CALM3: variants seen among roughly 807,000 people sequenced by gnomAD.
CALM3 encodes the protein calmodulin 3, also known as calmodulin-3.
In CALM3, 5 loss-of-function variants were observed where a neutral mutation model predicts 20.1. That is an observed-to-expected ratio of 0.25 (90% CI 0.13 to 0.52). CALM3 has a LOEUF of 0.52. Ranked by LOEUF, CALM3 falls within the 20% of genes least tolerant of loss-of-function variation. CALM3 has a pLI of 0.96. For missense variants in CALM3, 57 were observed against 192.8 expected (o/e 0.30, Z 4.17); for synonymous variants, 69 against 68.1 (o/e 1.01, Z -0.06).
At chr19:46,603,803 C>G (rs1337621609) in intron 1 of CALM3, among the ~76,000 whole-genome samples, 1 of 152,210 alleles carries the variant, frequency 6.6e-6, no homozygotes, top group Non-Finnish European at 1.5e-5. Flanking sequence ...ACAGGCCCTC[C>G]ATGCAGAGCC....
chr19:46,606,473 A>C (rs1933849610), intron 2 of CALM3: 1 of 152,198 alleles, frequency 6.6e-6, no homozygotes, highest in African/African-American at 2.4e-5. Context: ...TATTTTCTTC[A>C]TAACCTTTCT....
chr19:46,601,298 AGGC>A (rs948097451), upstream of CALM3: 851 of 718,238 alleles, frequency 1.2e-3, no homozygotes, highest in Middle Eastern at 3.7e-3. The surrounding 1 kb of genome is among the most constrained non-coding windows in gnomAD (Gnocchi z 4.2). Context: ...TTGGGGCGGG[AGGC>A]GGCGGCGGCG....
chr19:46,608,983 T>C lies in CALM3; in HGVS notation c.421+2T>C. The C allele has an allele frequency of 6.2e-7, 1 of 1,601,598 alleles. No individual in the cohort carries two copies. The highest frequency in any genetic ancestry group is 8.5e-7 in the Non-Finnish European group (1 of 1,173,272). ...GAGATGGCCAGGTCAATTATGAAGG[T>C]GAGTCAAGGCCAGGCTTGATCTCTG... On this transcript the variant is annotated splice_donor_variant, in intron 5 of 5. Coordinates refer to ENST00000291295, the MANE Select transcript of CALM3 (RefSeq NM_005184.4). LOFTEE classifies it high-confidence loss of function. The surrounding 1 kb of genome is among the most constrained non-coding windows in gnomAD (Gnocchi z 5.5).
chr19:46,604,716 G>A (rs371624896), intron 1 of CALM3, among the ~76,000 whole-genome samples: 6 of 152,052 alleles, frequency 3.9e-5, no homozygotes, highest in Non-Finnish European at 5.9e-5. Context: ...TCTCAGACTC[G>A]AGACTAGAAC....
At chr19:46,607,736 A>C (rs1229481212) in intron 2 of CALM3, among the ~76,000 whole-genome samples, 1 of 152,204 alleles carries the variant, frequency 6.6e-6, no homozygotes, top group Non-Finnish European at 1.5e-5. Context: ...TTTCCTCTTC[A>C]GGCCGGCCAG....
intron 2 of CALM3, among the ~76,000 whole-genome samples, chr19:46,607,637 A>G (rs1971771017): frequency 6.6e-6 from 1 of 151,996 alleles, no homozygotes; most frequent in Non-Finnish European, 1.5e-5. Flanking sequence ...CCCCACGCTC[A>G]CCACACGCAG....
chr19:46,607,811 G>T (rs1234140244), intron 2 of CALM3, among the ~76,000 whole-genome samples: 1 of 152,150 alleles, frequency 6.6e-6, no homozygotes, highest in Admixed American at 6.5e-5. Flanking sequence ...CTCAGACAAA[G>T]AATCCTTTCG....
intron 2 of CALM3, chr19:46,606,397 C>CG (rs1568664901): frequency 6.5e-6 from 1 of 152,994 alleles, no homozygotes; most frequent in Non-Finnish European, 1.5e-5. Context: ...GATGTCCCCT[C>CG]GGGGAGGCCT....
intron 2 of CALM3, among the ~76,000 whole-genome samples, chr19:46,607,354 C>T (rs1010987218): frequency 1.4e-4 from 21 of 152,290 alleles, no homozygotes; most frequent in African/African-American, 3.9e-4. Flanking sequence ...AACTGTCCAC[C>T]GCCTCACCCC....
At position 46,609,447 on chromosome 19, in the gene CALM3, G is replaced by C; in HGVS notation, c.*294G>C. The C allele has an allele frequency of 2.0e-6, 1 of 497,712 alleles. No homozygotes were observed. 30.8% of individuals were successfully genotyped at this position (497,712 alleles called of 1,614,324 possible). ...GAAGCCCTCCCCAGATCCCCTTGGG[G>C]AGCCTCTGCCCTCCTCCAGCCCGGA... On this transcript the variant is annotated 3_prime_UTR_variant, in exon 6 of 6. Coordinates refer to ENST00000291295, the MANE Select transcript of CALM3 (RefSeq NM_005184.4).
intron 1 of CALM3, chr19:46,602,245 G>A (rs773560361): frequency 1.1e-4 from 143 of 1,335,614 alleles, no homozygotes; most frequent in Non-Finnish European, 1.4e-4. Context: ...CGGGGGACAG[G>A]GACCCTTGGG....
chr19:46,604,915 A>G (rs1971710059), intron 1 of CALM3, among the ~76,000 whole-genome samples: 1 of 150,856 alleles, frequency 6.6e-6, no homozygotes, highest in Non-Finnish European at 1.5e-5. Context: ...GCCCCATAGG[A>G]TCACTATGCC....
rs758692040 is a variant in CALM3, at chr19:46,608,923, G to A, written c.363G>A (p.Glu121=). 1.9e-6 allele frequency: 3 copies of A among 1,609,932 alleles called. No individual in the cohort carries two copies. The East Asian group carries it at 6.7e-5, about 36-fold the overall frequency. ...TGGGGGAGAAGCTGACCGATGAGGA[G>A]GTGGATGAGATGATCAGGGAGGCTG... ...TNLGEKLTDE[E]VDEMIREADI... The change falls in exon 5 of 6, where the codon GAG becomes GAA. Residue 121 remains glutamate (E), a synonymous_variant. Coordinates refer to ENST00000291295, the MANE Select transcript of CALM3 (RefSeq NM_005184.4). This position sits in a 1 kb window ranked among gnomAD's most constrained non-coding sequence, Gnocchi z 5.5.
chr19:46,601,375 A>AGCT lies in CALM3; in HGVS notation c.-54_-52dup, dbSNP rs1036423322. The AGCT allele has an allele frequency of 6.7e-7, 1 of 1,493,354 alleles. No individual in the cohort carries two copies. Among genetic ancestry groups the AGCT allele is most frequent in the Non-Finnish European group, 8.9e-7 (1 of 1,123,852 alleles). 92.5% of individuals were successfully genotyped at this position (1,493,354 alleles called of 1,614,324 possible). A position where few individuals can be genotyped will look rare whatever the true frequency, so the allele number is the denominator to read the frequency against. ...CGCGCGGCGGAGCTGGAACTGCTGCAGCTGCTGCCGCCGCCGGAGGAACCT... is the reference window on the plus strand; with the variant it reads ...CGCGCGGCGGAGCTGGAACTGCTGCAGCTGCTGCTGCCGCCGCCGGAGGAACCT... On this transcript the variant is annotated 5_prime_UTR_variant, in exon 1 of 6. Coordinates refer to ENST00000291295, the MANE Select transcript of CALM3 (RefSeq NM_005184.4). The surrounding 1 kb of genome is among the most constrained non-coding windows in gnomAD (Gnocchi z 4.2).
At chr19:46,607,113 C>T (rs1036583338) in intron 2 of CALM3, among the ~76,000 whole-genome samples, 1 of 152,094 alleles carries the variant, frequency 6.6e-6, no homozygotes, top group African/African-American at 2.4e-5. Context: ...ATCATGAGCT[C>T]GGGGTGCCCC....
chr19:46,602,563 C>G (rs1282353603), intron 1 of CALM3: 1 of 212,616 alleles, frequency 4.7e-6, no homozygotes, highest in Middle Eastern at 1.9e-3. Context: ...CTGCAGGGCC[C>G]GGAGGAAGCT....
chr19:46,609,438 C>A lies in CALM3; in HGVS notation c.*285C>A. The A allele has an allele frequency of 3.9e-6, 2 of 509,750 alleles. No individual in the cohort carries two copies. Among genetic ancestry groups the A allele is most frequent in the Non-Finnish European group, 7.0e-6 (2 of 286,744 alleles). 31.6% of individuals were successfully genotyped at this position (509,750 alleles called of 1,614,324 possible). On this transcript the variant is annotated 3_prime_UTR_variant, in exon 6 of 6. Transcript: ENST00000291295. The stretch of plus-strand genomic sequence containing the variant: ...TCATAAGTTGAAGCCCTCCCCAGAT[C>A]CCCTTGGGGAGCCTCTGCCCTCCTC...
chr19:46,605,700 C>G lies in CALM3; in HGVS notation c.4-127C>G, dbSNP rs1195201157. On this transcript the variant is annotated intron_variant, in intron 1 of 5. Transcript: ENST00000291295. This position sits in a 1 kb window ranked among gnomAD's most constrained non-coding sequence, Gnocchi z 4.1. ...CCTCAGACCCTGACTCTGGCATGCT[C>G]CTCCCTGGCCCGGCGGGAATGGCAC... is the stretch of plus-strand genomic sequence containing the variant. 1 of 830,096 alleles carries G rather than the reference C, an allele frequency of 1.2e-6. No individual in the cohort carries two copies. The highest frequency in any genetic ancestry group is 2.0e-6 in the Non-Finnish European group (1 of 494,314). The allele number at this position is 830,096 out of a possible 1,614,324, so 51.4% of individuals were successfully genotyped here.
chr19:46,602,924 G>A (rs551300745), intron 1 of CALM3, among the ~76,000 whole-genome samples: 1 of 152,338 alleles, frequency 6.6e-6, no homozygotes, highest in East Asian at 1.9e-4. Flanking sequence ...CCGTGCCCTC[G>A]GGGTGGGGGC....
Sources: allele counts gnomAD v4.1 joint callset (sites outside exome capture counted in the v4.1 genomes callset), GRCh38; gene constraint gnomAD v4.1.1; non-coding constraint Gnocchi (gnomAD v3.1); transcripts MANE v1.5; gene names NCBI Gene and HGNC (gene_info 2026-07-23, HGNC 2026-07-21).